CSPP1: variants seen among roughly 807,000 people sequenced by gnomAD.
CSPP1 encodes centrosome and spindle pole-associated protein 1.
A neutral mutation model predicts 164.4 loss-of-function variants in CSPP1; 126 were observed. The ratio of observed to expected loss-of-function variants is 0.77; its 90% CI spans 0.66 to 0.89. CSPP1 has a LOEUF of 0.89. CSPP1 is among the 40% of genes least tolerant of loss of function. CSPP1 has a pLI of 0.00. For synonymous variants in CSPP1, 472 were observed against 476.7 expected, an observed-to-expected ratio of 0.99 and a Z score of 0.13; for missense variants, 1,395 against 1,449.8, an observed-to-expected ratio of 0.96 and a Z score of 0.61.
In CSPP1 at chr8:67,195,577, C is replaced by A. The variant is rs768228167; in HGVS notation, c.3665C>A (p.Ser1222Ter). ...KPGTFTWQGL[S>*]TAHG is the part of the protein sequence containing the mutation. Reference sequence around the variant, plus strand: ...GGCACTTTCACTTGGCAGGGCCTGTCGACTGCACATGGTTAAAATAAACCT... The same window carrying A: ...GGCACTTTCACTTGGCAGGGCCTGTAGACTGCACATGGTTAAAATAAACCT... Residue 1222 changes from serine (S) to a stop codon, truncating the protein, a stop_gained, in exon 31 of 31, where the codon TCG becomes TAG. Coordinates refer to ENST00000678616, the MANE Select transcript of CSPP1 (RefSeq NM_001382391.1). LOFTEE classifies it high-confidence loss of function. The A allele has an allele frequency of 3.1e-6, 5 of 1,613,994 alleles. No individual in the cohort carries two copies. Among genetic ancestry groups the A allele is most frequent in the Non-Finnish European group, 3.4e-6 (4 of 1,179,940 alleles).
At chr8:67,176,954 C>G (rs535309536) in intron 26 of CSPP1, among the ~76,000 whole-genome samples, 55 of 151,824 alleles carry the variant, frequency 3.6e-4, no homozygotes, top group African/African-American at 1.2e-3. Flanking sequence ...GCCTGTAGTC[C>G]CAGCTACTCC....
chr8:67,154,080 C>A lies in CSPP1; in HGVS notation c.2185C>A (p.Pro729Thr). 1 of 1,606,460 alleles carries A rather than the reference C, an allele frequency of 6.2e-7. No individual in the cohort carries two copies. Among genetic ancestry groups the A allele is most frequent in the Non-Finnish European group, 8.5e-7 (1 of 1,173,780 alleles). ...TCGGGGAAATGTATTTGGTGAGCCT[C>A]CAACTGAACTTCAGATTAAACAGCA... The part of the protein sequence containing the change: ...FARGNVFGEP[P>T]TELQIKQQEL... The change falls in exon 19 of 31, where the codon CCA (proline) becomes ACA (threonine). Residue 729 changes from proline to threonine, a missense_variant. Coordinates refer to ENST00000678616, the MANE Select transcript of CSPP1 (RefSeq NM_001382391.1).
intron 20 of CSPP1, among the ~76,000 whole-genome samples, 155 bp from the exon 21 acceptor site, chr8:67,158,836 A>G (rs1420687844): frequency 6.6e-6 from 1 of 152,218 alleles, no homozygotes; most frequent in African/African-American, 2.4e-5. Context: ...AAAGATGCCT[A>G]ATATTTTATT....
intron 8 of CSPP1, among the ~76,000 whole-genome samples, chr8:67,103,426 A>G (rs1040665863): frequency 1.3e-5 from 2 of 152,166 alleles, no homozygotes; most frequent in African/African-American, 4.8e-5. Flanking sequence ...AATAAAAGAA[A>G]TAAGTATAAT....
In CSPP1 at chr8:67,159,103, G is replaced by A. The variant is rs762365747; in HGVS notation, c.2504G>A (p.Cys835Tyr). ...TATAACCTGCAACTTCAGCACTACT[G>A]TGAAAGAGACAATTTGATTGGGGAA... Reference protein sequence around the residue: ...EKYNLQLQHYCERDNLIGEET... With the variant: ...EKYNLQLQHYYERDNLIGEET... Residue 835 changes from cysteine (C) to tyrosine (Y), a missense_variant, in exon 21 of 31, where the codon TGT becomes TAT. By Grantham distance (194) the Cys-to-Tyr change is radical. Transcript: ENST00000678616. 1.8e-5 allele frequency: 29 copies of A among 1,604,530 alleles called. No homozygotes were observed. The highest frequency in any genetic ancestry group is 3.3e-4 in the Middle Eastern group (2 of 6,046).
At chr8:67,194,972 C>A (rs1837539921) in intron 30 of CSPP1, among the ~76,000 whole-genome samples, 1 of 151,974 alleles carries the variant, frequency 6.6e-6, no homozygotes, top group African/African-American at 2.4e-5. Flanking sequence ...CCAAACCTTG[C>A]TTTAAAAAAA....
intron 9 of CSPP1, among the ~76,000 whole-genome samples, chr8:67,111,636 A>C (rs559164123): frequency 6.6e-6 from 1 of 152,314 alleles, no homozygotes; most frequent in South Asian, 2.1e-4. Context: ...TGAAATGTTA[A>C]ATTTGTAAGA....
At chr8:67,159,852 T>TTCTTTCTC (rs1554605176) in intron 21 of CSPP1, among the ~76,000 whole-genome samples, 1 of 47,592 alleles carries the variant, frequency 2.1e-5, no homozygotes, top group Non-Finnish European at 3.5e-5. Flanking sequence ...CTTTCTTTCT[T>TTCTTTCTC]TTTCTTTCTT....
At position 67,074,382 on chromosome 8, in the gene CSPP1, T is replaced by C; in HGVS notation, c.99+31T>C. The stretch of plus-strand genomic sequence containing the variant: ...TTTAATAATTTTCTTTGAACATGTT[T>C]TATTATAATTGTCTATGGAGATTAC... On this transcript the variant is annotated intron_variant, in intron 2 of 30. Coordinates refer to ENST00000678616, the MANE Select transcript of CSPP1 (RefSeq NM_001382391.1). The C allele has an allele frequency of 2.3e-6, 3 of 1,329,502 alleles. No homozygotes were observed. In the South Asian group the frequency reaches 3.7e-5, roughly 17 times the overall value. 82.4% of individuals were successfully genotyped at this position (1,329,502 alleles called of 1,614,324 possible). A position where few individuals can be genotyped will look rare whatever the true frequency, so the allele number is the denominator to read the frequency against.
intron 15 of CSPP1, among the ~76,000 whole-genome samples, chr8:67,119,412 G>A (rs1466247305): frequency 6.6e-6 from 1 of 152,100 alleles, no homozygotes; most frequent in Non-Finnish European, 1.5e-5. Flanking sequence ...ACCCAGAGCT[G>A]GAATTGCTGG....
At chr8:67,080,492 T>TA (rs1399510937) in intron 3 of CSPP1, among the ~76,000 whole-genome samples, 1 of 152,246 alleles carries the variant, frequency 6.6e-6, no homozygotes, top group Non-Finnish European at 1.5e-5. Flanking sequence ...TACAGTGACT[T>TA]CTGACACCAG....
At chr8:67,073,706 A>AAAGGGCTATG (rs1367784151) in intron 1 of CSPP1, among the ~76,000 whole-genome samples, 1 of 152,230 alleles carries the variant, frequency 6.6e-6, no homozygotes, top group East Asian at 1.9e-4. Flanking sequence ...GCTTAGGGGC[A>AAAGGGCTATG]AAGGGCTATG....
intron 15 of CSPP1, among the ~76,000 whole-genome samples, chr8:67,129,280 G>A (rs1406585945): frequency 1.3e-5 from 2 of 152,020 alleles, no homozygotes; most frequent in Non-Finnish European, 2.9e-5. Flanking sequence ...CTTTCACAGG[G>A]CTTAATTTCA....
rs751612635 is a variant in CSPP1 at position 67,177,636 on chromosome 8, A to G, written c.3110-44A>G. 5.2e-6 allele frequency: 7 copies of G among 1,357,032 alleles called. No individual in the cohort carries two copies. The East Asian group carries it at 1.6e-4, about 31-fold the overall frequency. The allele number at this position is 1,357,032 out of a possible 1,614,324, so 84.1% of individuals were successfully genotyped here. A position where few individuals can be genotyped will look rare whatever the true frequency, so the allele number is the denominator to read the frequency against. ...CTAAAATTTAATTTATATAGTAAGC[A>G]TTTTCTGACCTTTTAATTTGCTTTT... On this transcript the variant is annotated intron_variant, in intron 26 of 30. Transcript: ENST00000678616.
intron 2 of CSPP1, 138 bp downstream of exon 2, chr8:67,074,489 C>G: frequency 1.9e-6 from 1 of 525,094 alleles, no homozygotes; most frequent in Non-Finnish European, 3.4e-6. Flanking sequence ...GAGCCTGACT[C>G]CAGACAAGAT....
In CSPP1 at chr8:67,190,757, A is replaced by T. The variant is rs754193806; in HGVS notation, c.3328A>T (p.Ile1110Phe). 1.3e-6 allele frequency: 2 copies of T among 1,599,062 alleles called. No individual in the cohort carries two copies. Among genetic ancestry groups the T allele is most frequent in the Non-Finnish European group, 1.7e-6 (2 of 1,166,218 alleles). ...RRRNKWKGLD[I>F]DSSRPNVAPD... ...GAGGAACAAATGGAAAGGACTAGAC[A>T]TTGTATGTATGAGACTTTTCTCCCC... Residue 1110 changes from isoleucine to phenylalanine, a missense_variant and splice_region_variant, in exon 29 of 31, where the codon ATT becomes TTT. Transcript: ENST00000678616.
At chr8:67,093,666 CTG>C in intron 6 of CSPP1, 25 bp downstream of exon 6, 1 of 1,237,596 alleles carries the variant, frequency 8.1e-7, no homozygotes, top group Non-Finnish European at 1.2e-6. Flanking sequence ...TGAATTAAAT[CTG>C]TACTACTACT....
At position 67,164,459 on chromosome 8, in the gene CSPP1, C is replaced by T; in HGVS notation, c.2779C>T (p.Leu927=). ...ACAGCTTCGTAGTGAAGAGAGGCGT[C>T]TACAAGAGCGATTGCTACACATGGA... ...RKQLRSEERR[L]QERLLHMDSD... Residue 927 remains leucine (L), a synonymous_variant, in exon 24 of 31, where the codon CTA becomes TTA. Coordinates refer to ENST00000678616, the MANE Select transcript of CSPP1 (RefSeq NM_001382391.1). 1 of 1,607,040 alleles carries T rather than the reference C, an allele frequency of 6.2e-7. No individual in the cohort carries two copies.
intron 1 of CSPP1, among the ~76,000 whole-genome samples, chr8:67,067,997 G>A (rs1405695029): frequency 6.6e-6 from 1 of 151,590 alleles, no homozygotes; most frequent in East Asian, 2.0e-4. Context: ...CTACAGAGGT[G>A]TGCCACCATG....
Sources: allele counts gnomAD v4.1 joint callset (sites outside exome capture counted in the v4.1 genomes callset), GRCh38; gene constraint gnomAD v4.1.1; transcripts MANE v1.5; gene names NCBI Gene and HGNC (gene_info 2026-07-23, HGNC 2026-07-21).